TMEM132D: variants seen among roughly 807,000 people sequenced by gnomAD.
The protein encoded by TMEM132D is mature OL transmembrane protein.
TMEM132D carries 21 observed loss-of-function variants against 62.3 expected under a neutral mutation model. The ratio of observed to expected loss-of-function variants is 0.34; its 90% CI spans 0.24 to 0.49. The LOEUF is 0.49. Ranked by LOEUF, TMEM132D falls within the 20% of genes least tolerant of loss-of-function variation. TMEM132D has a pLI of 0.99. For synonymous variants in TMEM132D, 621 were observed against 575.6 expected, an observed-to-expected ratio of 1.08 and a Z score of -1.13; for missense variants, 1,346 against 1,402.8, an observed-to-expected ratio of 0.96 and a Z score of 0.65.
rs370714970 is a variant in TMEM132D at position 129,086,199 on chromosome 12, C to CGTGTGTGT, written c.1444-1498_1444-1497insACACACAC. Among the ~76,000 whole-genome samples the CGTGTGTGT allele has an allele frequency of 4.7e-3, 541 of 116,166 alleles. 5 individuals are homozygous for CGTGTGTGT. The highest frequency in any genetic ancestry group is 0.027 in the East Asian group (95 of 3,558). 76.2% of individuals were successfully genotyped at this position (116,166 alleles called of 152,430 possible). ...CCATCACCTCACATAGTCACGCGCG[C>CGTGTGTGT]GCGTGTGTGTGTGTGTGTGTGTGTG... is the stretch of plus-strand genomic sequence containing the variant. On this transcript the variant is annotated intron_variant, in intron 5 of 8. Coordinates refer to ENST00000422113, the MANE Select transcript of TMEM132D (RefSeq NM_133448.3).
At chr12:129,787,342 T>C (rs1314077701) in intron 1 of TMEM132D, among the ~76,000 whole-genome samples, 8 of 152,182 alleles carry the variant, frequency 5.3e-5, no homozygotes, top group Admixed American at 5.2e-4. Flanking sequence ...GAACTTGCCA[T>C]GTCACCGAGG....
At chr12:129,446,587 C>A (rs1174390843) in intron 3 of TMEM132D, among the ~76,000 whole-genome samples, 1 of 152,192 alleles carries the variant, frequency 6.6e-6, no homozygotes, top group Non-Finnish European at 1.5e-5. Flanking sequence ...TAACACTTCT[C>A]AAATCTCTGC....
chr12:129,733,490 C>T (rs2137253877), intron 1 of TMEM132D, among the ~76,000 whole-genome samples: 1 of 152,258 alleles, frequency 6.6e-6, no homozygotes, highest in Non-Finnish European at 1.5e-5. Flanking sequence ...GCAATGCCAC[C>T]CCATACTGAA....
At chr12:129,244,359 C>T (rs1199520644) in intron 4 of TMEM132D, among the ~76,000 whole-genome samples, 1 of 141,484 alleles carries the variant, frequency 7.1e-6, no homozygotes, top group East Asian at 2.2e-4. Flanking sequence ...GCACTCCAGC[C>T]TGGGCGACAG....
intron 1 of TMEM132D, among the ~76,000 whole-genome samples, chr12:129,831,846 T>C (rs1042846758): frequency 2.7e-5 from 4 of 149,706 alleles, no homozygotes; most frequent in Admixed American, 1.4e-4. Flanking sequence ...GAAGCATTTT[T>C]TTTTCTTTTC....
chr12:129,250,207 T>C (rs1880228586), intron 4 of TMEM132D, among the ~76,000 whole-genome samples: 1 of 152,134 alleles, frequency 6.6e-6, no homozygotes, highest in South Asian at 2.1e-4. Flanking sequence ...CCTCTGGCTC[T>C]TCTCAATGAC....
chr12:129,348,101 TTGG>T (rs1167099263), intron 3 of TMEM132D, among the ~76,000 whole-genome samples: 2 of 152,174 alleles, frequency 1.3e-5, no homozygotes, highest in East Asian at 3.9e-4. Context: ...TTTTACACTG[TTGG>T]TGGGAGTGTA....
chr12:129,341,288 T>A (rs1869472287), intron 3 of TMEM132D, among the ~76,000 whole-genome samples: 1 of 152,236 alleles, frequency 6.6e-6, no homozygotes, highest in Admixed American at 6.5e-5. Context: ...CTGATATTCA[T>A]CAGAAGGGAA....
intron 1 of TMEM132D, among the ~76,000 whole-genome samples, chr12:129,777,110 CAAAG>C: frequency 1.3e-5 from 2 of 152,178 alleles, no homozygotes; most frequent in Non-Finnish European, 2.9e-5. Flanking sequence ...TTCCCCAGGG[CAAAG>C]TGCCACTTGT....
chr12:129,334,928 G>T (rs1245445214), intron 4 of TMEM132D, among the ~76,000 whole-genome samples: 1 of 152,032 alleles, frequency 6.6e-6, no homozygotes, highest in Non-Finnish European at 1.5e-5. Flanking sequence ...TTCAGCTCAA[G>T]AATCAGTGGG....
intron 4 of TMEM132D, among the ~76,000 whole-genome samples, chr12:129,310,995 G>A (rs1348349587): frequency 1.0e-5 from 1 of 96,100 alleles, no homozygotes; most frequent in African/African-American, 5.3e-5. Flanking sequence ...TCAGGAGATC[G>A]AGACCATCCT....
At chr12:129,390,659 T>C (rs1871266707) in intron 3 of TMEM132D, among the ~76,000 whole-genome samples, 1 of 152,122 alleles carries the variant, frequency 6.6e-6, no homozygotes, top group South Asian at 2.1e-4. Context: ...TACCTCCTAT[T>C]TGCTGCTTCC....
chr12:129,547,843 C>T (rs368162227), intron 2 of TMEM132D, among the ~76,000 whole-genome samples: 2 of 152,174 alleles, frequency 1.3e-5, no homozygotes, highest in African/African-American at 4.8e-5. Flanking sequence ...AGATTAAGTT[C>T]TCTGCAGCAC....
At chr12:129,668,219 A>C (rs894690836) in intron 2 of TMEM132D, among the ~76,000 whole-genome samples, 3 of 147,476 alleles carry the variant, frequency 2.0e-5, no homozygotes, top group Non-Finnish European at 3.0e-5. Context: ...ATGTTGATAT[A>C]ATTTAGTGTA....
At chr12:129,480,686 A>G (rs1172666140) in intron 3 of TMEM132D, among the ~76,000 whole-genome samples, 3 of 152,218 alleles carry the variant, frequency 2.0e-5, no homozygotes. Context: ...CAGGGACTCC[A>G]GATAAATGTG....
chr12:129,142,691 A>C (rs1300452942), intron 5 of TMEM132D, among the ~76,000 whole-genome samples: 1 of 152,246 alleles, frequency 6.6e-6, no homozygotes, highest in Non-Finnish European at 1.5e-5. Context: ...TAAGTTGGAC[A>C]AGAGACAAAA....
chr12:129,378,215 GAGA>G (rs1388965846), intron 3 of TMEM132D, among the ~76,000 whole-genome samples: 2 of 152,234 alleles, frequency 1.3e-5, no homozygotes, highest in African/African-American at 4.8e-5. Flanking sequence ...ATTAAAAGAT[GAGA>G]AGATGTTTCA....
intron 5 of TMEM132D, among the ~76,000 whole-genome samples, chr12:129,101,639 C>T (rs1290901297): frequency 6.6e-6 from 1 of 152,212 alleles, no homozygotes; most frequent in African/African-American, 2.4e-5. Context: ...CTGCAGATCT[C>T]GGGTTTGGAG....
intron 5 of TMEM132D, among the ~76,000 whole-genome samples, chr12:129,205,389 A>AT (rs201773049): frequency 0.015 from 2,322 of 151,486 alleles, 86 homozygotes; most frequent in African/African-American, 0.053. Flanking sequence ...AAAAAAAAAA[A>AT]AAACTGACTT....
Sources: gnomAD v4.1 joint callset for allele counts (sites outside exome capture counted in the v4.1 genomes callset) on GRCh38, gnomAD v4.1.1 for gene constraint, MANE v1.5 for transcripts, NCBI Gene and HGNC (gene_info 2026-07-23, HGNC 2026-07-21) for gene names.